Variants in PDE8A observed in about 807,000 individuals in gnomAD.
The protein encoded by PDE8A is phosphodiesterase 8A, also known as high affinity cAMP-specific and IBMX-insensitive 3',5'-cyclic phosphodiesterase 8A.
A neutral mutation model predicts 105.0 loss-of-function variants in PDE8A; 59 were observed. That is an observed-to-expected ratio of 0.56 (90% CI 0.46 to 0.70). The LOEUF is 0.70. PDE8A is among the 30% of genes least tolerant of loss of function. The pLI is 0.00. For missense variants in PDE8A, 1,014 were observed against 1,045.9 expected (o/e 0.97, Z 0.42); for synonymous variants, 355 against 371.9 (o/e 0.95, Z 0.52).
chr15:85,007,544 A>C (rs1275288238), intron 1 of PDE8A, among the ~76,000 whole-genome samples: 2 of 152,048 alleles, frequency 1.3e-5, no homozygotes, highest in East Asian at 3.9e-4. Context: ...AAAATGTAAA[A>C]AATAATGAAA....
chr15:85,094,232 G>A (rs1191458734), intron 8 of PDE8A, among the ~76,000 whole-genome samples: 4 of 151,932 alleles, frequency 2.6e-5, no homozygotes, highest in African/African-American at 9.7e-5. Context: ...TCATTTAATG[G>A]GTACCAAGTA....
intron 1 of PDE8A, among the ~76,000 whole-genome samples, chr15:85,012,895 T>G (rs1007193373): frequency 1.3e-5 from 2 of 152,186 alleles, no homozygotes; most frequent in African/African-American, 2.4e-5. Context: ...TATATTGGCT[T>G]GTATAATCAC....
intron 1 of PDE8A, among the ~76,000 whole-genome samples, chr15:84,996,839 A>AG: frequency 6.7e-6 from 1 of 149,442 alleles, no homozygotes; most frequent in East Asian, 1.9e-4. Context: ...AAAAAAAAAA[A>AG]AAAAAAAAAA....
intron 1 of PDE8A, among the ~76,000 whole-genome samples, chr15:85,030,622 A>G (rs958013468): frequency 6.6e-6 from 1 of 152,178 alleles, no homozygotes; most frequent in South Asian, 2.1e-4. Context: ...CTGCAGCCTC[A>G]TCTACTGTGG....
At chr15:85,100,275 T>C in intron 11 of PDE8A, 77 bp downstream of exon 11, 2 of 1,258,386 alleles carry the variant, frequency 1.6e-6, no homozygotes, top group Non-Finnish European at 1.1e-6. Context: ...TTTAACTAGC[T>C]TGCCTGGTGT....
intron 1 of PDE8A, among the ~76,000 whole-genome samples, chr15:84,993,749 G>A (rs986127856): frequency 6.6e-6 from 1 of 151,960 alleles, no homozygotes; most frequent in South Asian, 2.1e-4. Context: ...AAATTAGCTG[G>A]GCATGGTGGT....
intron 17 of PDE8A, among the ~76,000 whole-genome samples, chr15:85,118,389 C>T (rs2082129135): frequency 6.6e-6 from 1 of 152,178 alleles, no homozygotes; most frequent in South Asian, 2.1e-4. Flanking sequence ...CCTCCTGTCA[C>T]ACCTAAATGT....
At chr15:84,988,117 C>T (rs924604478) in intron 1 of PDE8A, among the ~76,000 whole-genome samples, 3 of 152,172 alleles carry the variant, frequency 2.0e-5, no homozygotes, top group African/African-American at 7.2e-5. Context: ...CCTTTCAACC[C>T]TGTGAGGTGG....
chr15:85,096,825 T>G (rs1416622282), intron 8 of PDE8A, among the ~76,000 whole-genome samples: 1 of 152,238 alleles, frequency 6.6e-6, no homozygotes, highest in African/African-American at 2.4e-5. Context: ...CCCATTGTTT[T>G]CAGAATTATA....
At chr15:85,084,724 G>C (rs12910668) in intron 6 of PDE8A, among the ~76,000 whole-genome samples, 66,873 of 151,942 alleles carry the variant, frequency 0.44, 14,797 homozygotes, top group Middle Eastern at 0.51. Context: ...CAAAAATAGT[G>C]CTTTAAACTG....
intron 1 of PDE8A, among the ~76,000 whole-genome samples, chr15:84,994,047 C>T (rs2079935593): frequency 6.6e-6 from 1 of 152,158 alleles, no homozygotes; most frequent in African/African-American, 2.4e-5. Context: ...TTGATCTGTC[C>T]TCCGTGTCTC....
At chr15:85,075,830 T>C in intron 3 of PDE8A, 32 bp from the exon 4 acceptor site, 1 of 1,217,296 alleles carries the variant, frequency 8.2e-7, no homozygotes, top group Non-Finnish European at 1.2e-6. Context: ...ATTATTTTTA[T>C]ATTTATTTTA....
chr15:84,993,436 C>G (rs530379927), intron 1 of PDE8A, among the ~76,000 whole-genome samples: 15 of 104,288 alleles, frequency 1.4e-4, no homozygotes, highest in African/African-American at 6.2e-4. Context: ...GAGCGAGACT[C>G]CATCTCAAAA....
chr15:84,981,862 G>T lies in PDE8A; in HGVS notation c.-301G>T, dbSNP rs2079713707. 1 of 199,762 alleles carries T rather than the reference G, an allele frequency of 5.0e-6. No homozygotes were observed. Among genetic ancestry groups the T allele is most frequent in the Non-Finnish European group, 1.0e-5 (1 of 99,670 alleles). The allele number at this position is 199,762 out of a possible 1,614,324, so 12.4% of individuals were successfully genotyped here. A position where few individuals can be genotyped will look rare whatever the true frequency, so the allele number is the denominator to read the frequency against. On this transcript the variant is annotated 5_prime_UTR_variant, in exon 1 of 22. Transcript: ENST00000394553. ...CCCCTATTTCCCCGGAAGCGCGGCC[G>T]AGGCGAGCCCGGCGATGTGAGAGGC...
At chr15:85,136,377 T>C (rs1048837022) in intron 20 of PDE8A, among the ~76,000 whole-genome samples, 157 bp from the exon 21 acceptor site, 1 of 152,176 alleles carries the variant, frequency 6.6e-6, no homozygotes, top group Non-Finnish European at 1.5e-5. Flanking sequence ...TGGTATCTGT[T>C]ATGAGACATG....
intron 1 of PDE8A, among the ~76,000 whole-genome samples, chr15:85,008,827 AG>A (rs2080191676): frequency 6.6e-6 from 1 of 152,050 alleles, no homozygotes; most frequent in Non-Finnish European, 1.5e-5. Context: ...GCTAAGGCAT[AG>A]TCTGCCAACA....
chr15:84,993,261 G>A (rs1002761885), intron 1 of PDE8A, among the ~76,000 whole-genome samples: 12 of 151,756 alleles, frequency 7.9e-5, no homozygotes, highest in Non-Finnish European at 1.5e-4. Context: ...GGCTAACACG[G>A]TGAAACCCCG....
At chr15:85,079,360 TTGTGGGAAATGTTCTA>T (rs947893789) in intron 5 of PDE8A, among the ~76,000 whole-genome samples, 4 of 152,314 alleles carry the variant, frequency 2.6e-5, no homozygotes, top group African/African-American at 9.6e-5. Flanking sequence ...GTATTCATCT[TTGTGGGAAATGTTCTA>T]TGTGGGAAAT....
intron 1 of PDE8A, among the ~76,000 whole-genome samples, chr15:85,056,273 G>A (rs1472831572): frequency 1.3e-5 from 2 of 152,086 alleles, no homozygotes; most frequent in Admixed American, 6.6e-5. Flanking sequence ...TGGTGAATCT[G>A]ACAATTACGT....
Sources: gnomAD v4.1 joint callset for allele counts (sites outside exome capture counted in the v4.1 genomes callset) on GRCh38, gnomAD v4.1.1 for gene constraint, MANE v1.5 for transcripts, NCBI Gene and HGNC (gene_info 2026-07-23, HGNC 2026-07-21) for gene names.